Variants in C11orf21 observed in about 807,000 individuals in gnomAD.
C11orf21 encodes uncharacterized protein C11orf21.
In C11orf21, 19 loss-of-function variants were observed where a neutral mutation model predicts 15.2. The observed-to-expected ratio is 1.25, with a 90% CI of 0.87 to 1.84. The LOEUF (loss-of-function observed/expected upper bound fraction) is 1.84, where lower values mean the gene tolerates loss of function less well. C11orf21 is among the 40% of genes most tolerant of loss of function. C11orf21 has a pLI of 0.00. For missense variants in C11orf21, 171 were observed against 174.4 expected (o/e 0.98, Z 0.11); for synonymous variants, 62 against 66.8 (o/e 0.93, Z 0.35).
At position 2,301,759 on chromosome 11, in the gene C11orf21, C is replaced by G. The variant is rs1847761344; in HGVS notation, c.50G>C (p.Arg17Thr). 1.3e-6 allele frequency: 2 copies of G among 1,548,322 alleles called. No individual in the cohort carries two copies. The highest frequency in any genetic ancestry group is 1.7e-6 in the Non-Finnish European group (2 of 1,146,356). The change falls in exon 1 of 4, where the codon AGG (arginine) becomes ACG (threonine). Residue 17 changes from arginine to threonine, a missense_variant. Coordinates refer to ENST00000381153, the MANE Select transcript of C11orf21 (RefSeq NM_001329958.2). ...GMWRRRRPGR[R>T]SAVPRWPHLS... The stretch of plus-strand genomic sequence containing the variant: ...ACTCCCAGGACGGGGAGCTCACCTC[C>G]TCCTCCCCGGGCGCCGTCTCCTCCA...
At chr11:2,298,425 T>C (rs961290748) in intron 3 of C11orf21, among the ~76,000 whole-genome samples, 2 of 152,216 alleles carry the variant, frequency 1.3e-5, no homozygotes, top group African/African-American at 4.8e-5. Flanking sequence ...TAAAGCACGC[T>C]GACCACCAGG....
upstream of C11orf21, chr11:2,302,138 A>G: frequency 6.8e-7 from 1 of 1,470,948 alleles, no homozygotes; most frequent in Non-Finnish European, 9.0e-7. Context: ...AGAGGAGAGG[A>G]GAGGAACCGT....
chr11:2,302,831 G>GC, upstream of C11orf21: 1 of 1,610,558 alleles, frequency 6.2e-7, no homozygotes, highest in Non-Finnish European at 8.5e-7. Context: ...CTCTGAGTCT[G>GC]CCCTATCCAC....
At chr11:2,299,907 G>A (rs573170925) in intron 2 of C11orf21, among the ~76,000 whole-genome samples, 200 bp from the exon 3 acceptor site, 30 of 151,626 alleles carry the variant, frequency 2.0e-4, no homozygotes, top group Middle Eastern at 3.4e-3. Context: ...TGGAAATAAA[G>A]CCAGGGGCCC....
rs1025286213 is a variant in C11orf21, at chr11:2,301,287, C to T, written c.53+469G>A. ...TCCAGCACCGAGGGGCGAGCAGAGC[C>T]GCCTGTTAGCACTCCTGGGAGGGCC... On this transcript the variant is annotated intron_variant, in intron 1 of 3. Coordinates refer to ENST00000381153, the MANE Select transcript of C11orf21 (RefSeq NM_001329958.2). 44 of 194,938 alleles carry T rather than the reference C, an allele frequency of 2.3e-4. 1 individual carries two copies. Among genetic ancestry groups the T allele is most frequent in the Admixed American group, 3.8e-4 (7 of 18,520 alleles). 12.1% of individuals were successfully genotyped at this position (194,938 alleles called of 1,614,324 possible).
At position 2,301,803 on chromosome 11, in the gene C11orf21, G is replaced by A. The variant is rs1359872675; in HGVS notation, c.6C>T (p.Gly2=). M[G]RTWCGMWRRR... is the part of the protein sequence containing the mutation. The stretch of plus-strand genomic sequence containing the variant: ...TCCTCCACATCCCACACCAGGTCCT[G>A]CCCATGACTTTCCCCCTCTCAGCGC... The change falls in exon 1 of 4, where the codon GGC becomes GGT. Residue 2 remains glycine, a synonymous_variant. Coordinates refer to ENST00000381153, the MANE Select transcript of C11orf21 (RefSeq NM_001329958.2). 6.4e-7 allele frequency: 1 copy of A among 1,550,666 alleles called. No homozygotes were observed. Among genetic ancestry groups the A allele is most frequent in the Non-Finnish European group, 8.7e-7 (1 of 1,146,924 alleles).
At position 2,297,114 on chromosome 11, in the gene C11orf21, G is replaced by A. The variant is rs1301165121; in HGVS notation, c.*836C>T. On this transcript the variant is annotated 3_prime_UTR_variant, in exon 4 of 4. Coordinates refer to ENST00000381153, the MANE Select transcript of C11orf21 (RefSeq NM_001329958.2). ...TCACCCAGAGAGCATGGGCTGCAGGGATGGCCCTGAGTAGGACACACAGCT... is the reference window on the plus strand; with the variant it reads ...TCACCCAGAGAGCATGGGCTGCAGGAATGGCCCTGAGTAGGACACACAGCT... The A allele has an allele frequency of 6.6e-6, 1 of 152,372 alleles. No individual in the cohort carries two copies. The highest frequency in any genetic ancestry group is 2.4e-5 in the African/African-American group (1 of 41,464). 9.4% of individuals were successfully genotyped at this position (152,372 alleles called of 1,614,324 possible).
chr11:2,300,339 C>A (rs1429800025), intron 2 of C11orf21, among the ~76,000 whole-genome samples, 181 bp downstream of exon 2: 3 of 3,038 alleles, frequency 9.9e-4, no homozygotes, highest in Non-Finnish European at 2.0e-3. Flanking sequence ...CAGGGGTGTG[C>A]GGGGTGGGCA....
chr11:2,300,837 C>T, intron 1 of C11orf21: 2 of 1,456,176 alleles, frequency 1.4e-6, no homozygotes, highest in South Asian at 2.4e-5. Flanking sequence ...CCCACTTGCA[C>T]AGCCCGGGGG....
In C11orf21 at chr11:2,301,753, C is replaced by T. The variant is rs546213382; in HGVS notation, c.53+3G>A. The T allele has an allele frequency of 1.9e-6, 3 of 1,545,088 alleles. No individual in the cohort carries two copies. The highest frequency in any genetic ancestry group is 1.2e-5 in the South Asian group (1 of 83,914). ...TTGCTCACTCCCAGGACGGGGAGCTCACCTCCTCCTCCCCGGGCGCCGTCT... is the reference window on the plus strand; with the variant it reads ...TTGCTCACTCCCAGGACGGGGAGCTTACCTCCTCCTCCCCGGGCGCCGTCT... On this transcript the variant is annotated splice_donor_region_variant and intron_variant, in intron 1 of 3. Transcript: ENST00000381153.
chr11:2,300,959 C>T, intron 1 of C11orf21: 1 of 614,116 alleles, frequency 1.6e-6, no homozygotes, highest in Non-Finnish European at 2.9e-6. Context: ...CTGTGGGTGC[C>T]AGGCATCTGA....
At chr11:2,301,578 C>A in intron 1 of C11orf21, 178 bp downstream of exon 1, 1 of 566,244 alleles carries the variant, frequency 1.8e-6, no homozygotes, top group Non-Finnish European at 3.0e-6. Context: ...GTGCCGCCCA[C>A]GAAGGCATTA....
At chr11:2,300,314 G>A (rs1192493357) in intron 2 of C11orf21, among the ~76,000 whole-genome samples, 14 of 125,174 alleles carry the variant, frequency 1.1e-4, no homozygotes, top group African/African-American at 2.5e-4. Flanking sequence ...GGTGGGCAGC[G>A]GTGTGCGGGG....
At chr11:2,302,308 G>A (rs2133279187), upstream of C11orf21, 3 of 1,242,112 alleles carry the variant, frequency 2.4e-6, no homozygotes, top group Non-Finnish European at 3.1e-6. Context: ...TCCCTCCCCT[G>A]ACACACACAC....
chr11:2,302,961 A>T, upstream of C11orf21: 1 of 1,612,612 alleles, frequency 6.2e-7, no homozygotes, highest in South Asian at 1.1e-5. Context: ...CCAATGGGGT[A>T]AGTGAGGTCC....
intron 1 of C11orf21, chr11:2,300,906 C>A (rs2077078): frequency 5.3e-6 from 4 of 760,116 alleles, no homozygotes; most frequent in Non-Finnish European, 6.5e-6. Context: ...TTCATACCTG[C>A]GCCCCAGTCT....
Position 2,299,412 on chromosome 11 carries a change from G to C in C11orf21, c.*28+16C>G. 1 of 1,543,390 alleles carries C rather than the reference G, an allele frequency of 6.5e-7. No individual in the cohort carries two copies. The highest frequency in any genetic ancestry group is 2.5e-5 in the East Asian group (1 of 40,784). On this transcript the variant is annotated intron_variant, in intron 3 of 3. Coordinates refer to ENST00000381153, the MANE Select transcript of C11orf21 (RefSeq NM_001329958.2). ...CAGGGGCCCCCAGGCTCCAGCCTCA[G>C]AGCCCGGCTGCTCACCTCTGATGGA... is the stretch of plus-strand genomic sequence containing the variant.
At position 2,297,159 on chromosome 11, in the gene C11orf21, G is replaced by T. The variant is rs1159129396; in HGVS notation, c.*791C>A. Reference sequence around the variant, plus strand: ...ACAGCTCCCGAGACCCCTCACTGGGGACACAGGGGGGCCCTGCAGCCAGGG... The same window carrying T: ...ACAGCTCCCGAGACCCCTCACTGGGTACACAGGGGGGCCCTGCAGCCAGGG... On this transcript the variant is annotated 3_prime_UTR_variant, in exon 4 of 4. Transcript: ENST00000381153. 1 of 152,380 alleles carries T rather than the reference G, an allele frequency of 6.6e-6. No homozygotes were observed. Among genetic ancestry groups the T allele is most frequent in the Non-Finnish European group, 1.5e-5 (1 of 68,182 alleles). 9.4% of individuals were successfully genotyped at this position (152,380 alleles called of 1,614,324 possible).
chr11:2,299,231 G>A (rs1847610752), intron 3 of C11orf21, among the ~76,000 whole-genome samples, 197 bp downstream of exon 3: 2 of 152,228 alleles, frequency 1.3e-5, no homozygotes, highest in African/African-American at 4.8e-5. Context: ...CTGGGACGTG[G>A]ATTTCAGAAT....
Sources: allele counts gnomAD v4.1 joint callset (sites outside exome capture counted in the v4.1 genomes callset), GRCh38; gene constraint gnomAD v4.1.1; transcripts MANE v1.5; gene names NCBI Gene and HGNC (gene_info 2026-07-23, HGNC 2026-07-21).